Variants in ZC3H13 observed in about 807,000 individuals in gnomAD.
ZC3H13 encodes the protein zinc finger CCCH domain-containing protein 13.
A neutral mutation model predicts 204.1 loss-of-function variants in ZC3H13; 64 were observed. The observed-to-expected ratio is 0.31, with a 90% CI of 0.26 to 0.39. ZC3H13 has a LOEUF of 0.39. Among genes scored for constraint, ZC3H13 ranks in the 10% least tolerant of loss-of-function variants. ZC3H13 has a pLI of 1.00. For missense variants in ZC3H13, 1,833 were observed against 2,082.7 expected, an observed-to-expected ratio of 0.88 and a Z score of 2.33; for synonymous variants, 667 against 693.7, an observed-to-expected ratio of 0.96 and a Z score of 0.60.
rs1240652255 is a variant in ZC3H13, at chr13:45,965,287, C to A, written c.4467G>T (p.Lys1489Asn). 3 of 1,612,828 alleles carry A rather than the reference C, an allele frequency of 1.9e-6. No individual in the cohort carries two copies. The African/African-American group carries it at 4.0e-5, about 22-fold the overall frequency. ...ACCTCTGCAAATAGTTACCTGGCATCTTCTCCTCATCCTGTTGGTCCTCCC... is the reference window on the plus strand; with the variant it reads ...ACCTCTGCAAATAGTTACCTGGCATATTCTCCTCATCCTGTTGGTCCTCCC... ...EKREDQQDEE[K>N]MPDPLDVIDV... The change falls in exon 16 of 19, where the codon AAG becomes AAT. Residue 1489 changes from lysine (K) to asparagine (N), a missense_variant. Coordinates refer to ENST00000679008, the MANE Select transcript of ZC3H13 (RefSeq NM_001330564.2).
intron 10 of ZC3H13, 91 bp downstream of exon 10, chr13:45,985,206 T>C (rs774100118): frequency 7.9e-7 from 1 of 1,266,568 alleles, no homozygotes; most frequent in African/African-American, 1.5e-5. Context: ...GACAAAATGA[T>C]AACAAATGTA....
At chr13:46,005,748 T>C (rs2041093720) in intron 7 of ZC3H13, among the ~76,000 whole-genome samples, 1 of 152,156 alleles carries the variant, frequency 6.6e-6, no homozygotes, top group Non-Finnish European at 1.5e-5. Flanking sequence ...CTCAGACCAC[T>C]GCATCTGTCC....
chr13:46,045,180 CT>C (rs1566365639), intron 2 of ZC3H13, 116 bp from the exon 3 acceptor site: 2 of 1,016,618 alleles, frequency 2.0e-6, no homozygotes, highest in South Asian at 1.7e-5. Flanking sequence ...TGATATATTA[CT>C]CCCCAAATAA....
At chr13:46,004,254 A>T (rs2138535922) in intron 7 of ZC3H13, among the ~76,000 whole-genome samples, 1 of 151,680 alleles carries the variant, frequency 6.6e-6, no homozygotes, top group East Asian at 2.0e-4. Flanking sequence ...TGTAACAAAA[A>T]GTAGATTTAG....
chr13:45,995,677 G>T (rs2040280174), intron 8 of ZC3H13, among the ~76,000 whole-genome samples: 1 of 152,186 alleles, frequency 6.6e-6, no homozygotes, highest in African/African-American at 2.4e-5. Context: ...GTAACTGTTG[G>T]ATGAATAAAT....
chr13:45,959,591 T>C lies in ZC3H13; in HGVS notation c.4731A>G (p.Leu1577=), dbSNP rs1178613781. 1 of 1,548,814 alleles carries C rather than the reference T, an allele frequency of 6.5e-7. No homozygotes were observed. Among genetic ancestry groups the C allele is most frequent in the Non-Finnish European group, 8.7e-7 (1 of 1,146,304 alleles). The change falls in exon 18 of 19, where the codon CTA becomes CTG. Residue 1577 remains leucine (L), a synonymous_variant. Coordinates refer to ENST00000679008, the MANE Select transcript of ZC3H13 (RefSeq NM_001330564.2). ...GAAGACTTGCTCTTTCTTCTTTTCGTAGTAATGCAGCCATATTGAGAGCCC... is the reference window on the plus strand; with the variant it reads ...GAAGACTTGCTCTTTCTTCTTTTCGCAGTAATGCAGCCATATTGAGAGCCC... ...ELGALNMAAL[L]RKEERASLLS... is the part of the protein sequence containing the mutation.
intron 7 of ZC3H13, among the ~76,000 whole-genome samples, chr13:46,003,930 G>T (rs1428105673): frequency 6.6e-6 from 1 of 152,082 alleles, no homozygotes; most frequent in African/African-American, 2.4e-5. Context: ...CATTGGACTT[G>T]GCAATGATTT....
chr13:46,044,255 C>A (rs1378585459), intron 3 of ZC3H13, among the ~76,000 whole-genome samples: 1 of 151,154 alleles, frequency 6.6e-6, no homozygotes, highest in African/African-American at 2.4e-5. Context: ...TCAGTGTAAC[C>A]AATTTTGGAT....
intron 13 of ZC3H13, 71 bp downstream of exon 13, chr13:45,970,290 TA>T: frequency 6.7e-7 from 1 of 1,499,458 alleles, no homozygotes; most frequent in Non-Finnish European, 9.2e-7. Context: ...CAGTTCCTAC[TA>T]GTATGAAAGG....
intron 4 of ZC3H13, among the ~76,000 whole-genome samples, chr13:46,023,021 C>T (rs546895771): frequency 1.3e-5 from 2 of 152,136 alleles, no homozygotes; most frequent in Admixed American, 6.5e-5. Context: ...ACATTATATG[C>T]GTGGGCAGAT....
chr13:45,968,848 T>C lies in ZC3H13; in HGVS notation c.3696A>G (p.Ser1232=). Residue 1232 remains serine (S), a synonymous_variant, in exon 14 of 19, where the codon TCA becomes TCG. Transcript: ENST00000679008. ...SGRKRVLHSG[S]RDREKTKSLE... is the part of the protein sequence containing the mutation. ...GGCTTTTTGTTTTTTCTCTATCTCTTGAGCCACTGTGCAGTACTCTCTTTC... is the reference window on the plus strand; with the variant it reads ...GGCTTTTTGTTTTTTCTCTATCTCTCGAGCCACTGTGCAGTACTCTCTTTC... 6.2e-7 allele frequency: 1 copy of C among 1,614,116 alleles called. No individual in the cohort carries two copies. The highest frequency in any genetic ancestry group is 8.5e-7 in the Non-Finnish European group (1 of 1,179,990).
In ZC3H13 at chr13:45,967,689, A is replaced by G; in HGVS notation, c.4136T>C (p.Phe1379Ser). ...CACAGACTCTATTTGAGAACTCTCA[A>G]AAGTTCTGTCTCTGTCTCTGTCCCT... ...RDRDRDRDRT[F>S]ESSQIESVKR... Residue 1379 changes from phenylalanine (F) to serine (S), a missense_variant, in exon 15 of 19, where the codon TTT (phenylalanine) becomes TCT (serine). By Grantham distance (155) the Phe-to-Ser change is radical (BLOSUM62 -2). Transcript: ENST00000679008. The G allele has an allele frequency of 1.2e-6, 2 of 1,614,074 alleles. No homozygotes were observed. The highest frequency in any genetic ancestry group is 1.7e-6 in the Non-Finnish European group (2 of 1,179,968).
At chr13:45,968,104 C>A (rs1952247189) in intron 14 of ZC3H13, 76 bp from the exon 15 acceptor site, 5 of 1,424,694 alleles carry the variant, frequency 3.5e-6, no homozygotes, top group Non-Finnish European at 4.7e-6. Context: ...TTTCAAGGTC[C>A]TTTAAAACAT....
chr13:46,031,347 G>C (rs1477054929), intron 4 of ZC3H13, among the ~76,000 whole-genome samples: 1 of 151,882 alleles, frequency 6.6e-6, no homozygotes, highest in Non-Finnish European at 1.5e-5. Flanking sequence ...CTCCTAGAAA[G>C]TAACATAAGA....
At chr13:46,037,913 T>C (rs940618953) in intron 4 of ZC3H13, among the ~76,000 whole-genome samples, 20 of 152,252 alleles carry the variant, frequency 1.3e-4, no homozygotes, top group African/African-American at 4.1e-4. Context: ...ATTCACTATG[T>C]ATTTTATATT....
chr13:45,968,622 T>C, intron 14 of ZC3H13, 126 bp downstream of exon 14: 1 of 1,293,380 alleles, frequency 7.7e-7, no homozygotes, highest in South Asian at 1.7e-5. Context: ...AACTTTTCTT[T>C]AAAAAGTTGC....
At chr13:46,024,469 A>T (rs1379830242) in intron 4 of ZC3H13, among the ~76,000 whole-genome samples, 1 of 152,162 alleles carries the variant, frequency 6.6e-6, no homozygotes, top group Non-Finnish European at 1.5e-5. Context: ...GGTTTATCTC[A>T]GTACTTTGAA....
chr13:46,010,728 C>T (rs1245294242), intron 6 of ZC3H13, among the ~76,000 whole-genome samples: 1 of 150,890 alleles, frequency 6.6e-6, no homozygotes, highest in East Asian at 2.0e-4. Context: ...AAAACCCTAT[C>T]TCTTATACAA....
chr13:45,977,404 A>C (rs1953144562), intron 11 of ZC3H13, among the ~76,000 whole-genome samples: 2 of 152,180 alleles, frequency 1.3e-5, no homozygotes. Context: ...CTTTTATGGG[A>C]GATGTATTTT....
Sources: allele counts gnomAD v4.1 joint callset (sites outside exome capture counted in the v4.1 genomes callset), GRCh38; gene constraint gnomAD v4.1.1; transcripts MANE v1.5; gene names NCBI Gene and HGNC (gene_info 2026-07-23, HGNC 2026-07-21).